Variants in PLXDC2 observed in about 807,000 individuals in gnomAD.
The protein encoded by PLXDC2 is plexin domain containing 2, also known as plexin domain-containing protein 2.
In PLXDC2, 40 loss-of-function variants were observed where a neutral mutation model predicts 68.9. The ratio of observed to expected loss-of-function variants is 0.58; its 90% CI spans 0.45 to 0.76. The LOEUF (loss-of-function observed/expected upper bound fraction) is 0.76. PLXDC2 is among the 30% of genes least tolerant of loss of function. The pLI is 0.00. For missense variants in PLXDC2, 644 were observed against 661.9 expected (o/e 0.97, Z 0.30); for synonymous variants, 243 against 234.2 (o/e 1.04, Z -0.34).
intron 10 of PLXDC2, among the ~76,000 whole-genome samples, chr10:20,212,431 C>T (rs1044108542): frequency 3.3e-5 from 5 of 152,002 alleles, no homozygotes; most frequent in South Asian, 2.1e-4. Context: ...AATTTTAACC[C>T]GTTTAAAAGC....
chr10:19,962,417 G>A (rs1250547474), intron 1 of PLXDC2, among the ~76,000 whole-genome samples: 1 of 110,822 alleles, frequency 9.0e-6, no homozygotes, highest in African/African-American at 3.4e-5. Flanking sequence ...TTGAGATGGA[G>A]TCTTGCTCTG....
At chr10:20,275,499 C>A (rs1413360498) in intron 13 of PLXDC2, among the ~76,000 whole-genome samples, 1 of 152,050 alleles carries the variant, frequency 6.6e-6, no homozygotes, top group Non-Finnish European at 1.5e-5. Flanking sequence ...GCTCGGGGAG[C>A]GCACGCAAGC....
intron 1 of PLXDC2, among the ~76,000 whole-genome samples, chr10:19,874,238 C>T (rs913358285): frequency 1.3e-5 from 2 of 152,120 alleles, no homozygotes; most frequent in African/African-American, 2.4e-5. Flanking sequence ...TTCAGGAAAA[C>T]GACATGCAGT....
At chr10:20,149,600 G>A (rs967075184) in intron 6 of PLXDC2, among the ~76,000 whole-genome samples, 8 of 152,036 alleles carry the variant, frequency 5.3e-5, no homozygotes, top group Non-Finnish European at 1.0e-4. Flanking sequence ...AGGCCCCAGT[G>A]TCTGTTGTTC....
intron 2 of PLXDC2, among the ~76,000 whole-genome samples, chr10:20,018,622 A>G (rs1835252177): frequency 6.6e-6 from 1 of 152,200 alleles, no homozygotes; most frequent in Admixed American, 6.5e-5. Context: ...ATTTAAACAT[A>G]TGGAGAAAAA....
At chr10:20,180,409 C>G (rs143879343) in intron 9 of PLXDC2, among the ~76,000 whole-genome samples, 5 of 152,182 alleles carry the variant, frequency 3.3e-5, no homozygotes, top group African/African-American at 9.6e-5. Context: ...AATTTCCCCA[C>G]TGCATTTTAT....
chr10:20,270,126 G>A (rs1294340199), intron 13 of PLXDC2, among the ~76,000 whole-genome samples: 5 of 152,138 alleles, frequency 3.3e-5, no homozygotes, highest in Non-Finnish European at 7.3e-5. Context: ...TGAAATGATG[G>A]TCCCAAGGGA....
intron 2 of PLXDC2, among the ~76,000 whole-genome samples, chr10:20,025,286 A>G (rs1418169614): frequency 4.1e-5 from 6 of 147,678 alleles, no homozygotes; most frequent in Non-Finnish European, 8.9e-5. Context: ...TTTTTTTGAC[A>G]GAGTTTTGCT....
At chr10:20,128,844 A>G (rs889442896) in intron 4 of PLXDC2, among the ~76,000 whole-genome samples, 16 of 152,258 alleles carry the variant, frequency 1.1e-4, no homozygotes, top group South Asian at 2.1e-4. Flanking sequence ...ATAGTATTCC[A>G]TTTTGTACCT....
chr10:19,887,640 C>T (rs1482098232), intron 1 of PLXDC2, among the ~76,000 whole-genome samples: 1 of 152,192 alleles, frequency 6.6e-6, no homozygotes, highest in Non-Finnish European at 1.5e-5. Flanking sequence ...TGAGTGCATG[C>T]ATGTTCACAA....
At chr10:19,937,828 G>A (rs1204965959) in intron 1 of PLXDC2, among the ~76,000 whole-genome samples, 2 of 151,938 alleles carry the variant, frequency 1.3e-5, no homozygotes, top group African/African-American at 4.8e-5. Flanking sequence ...ATGAGAAAGA[G>A]GCAGAGAAGG....
At chr10:19,849,533 T>C (rs546255765) in intron 1 of PLXDC2, among the ~76,000 whole-genome samples, 2 of 152,282 alleles carry the variant, frequency 1.3e-5, no homozygotes, top group African/African-American at 4.8e-5. Flanking sequence ...ACTCATTCAC[T>C]ATCCCATGAT....
chr10:20,117,516 T>C (rs1435399367), intron 4 of PLXDC2, among the ~76,000 whole-genome samples: 1 of 152,202 alleles, frequency 6.6e-6, no homozygotes, highest in Non-Finnish European at 1.5e-5. Context: ...GGACTCTTGA[T>C]TCGCCAGGTC....
intron 1 of PLXDC2, among the ~76,000 whole-genome samples, chr10:19,945,294 T>C (rs1380495566): frequency 6.6e-6 from 1 of 152,080 alleles, no homozygotes; most frequent in Non-Finnish European, 1.5e-5. Context: ...CATTGAGGAG[T>C]CTGTCTTTTT....
chr10:20,045,838 C>T (rs1835788308), intron 2 of PLXDC2, among the ~76,000 whole-genome samples: 1 of 152,048 alleles, frequency 6.6e-6, no homozygotes, highest in Non-Finnish European at 1.5e-5. Flanking sequence ...CTACTAACTC[C>T]TCAAATTGAT....
rs955428 is a variant in PLXDC2 at position 20,289,646 on chromosome 10, C to A, written c.*9827C>A. On this transcript the variant is annotated 3_prime_UTR_variant, in exon 14 of 14. Transcript: ENST00000377252. ...CTCCACTCTTGGACTACCTTTATAA[C>A]AACACCGAGTACGCACAGACCTGAA... 0.16 allele frequency: 23,620 copies of A among 152,180 alleles called. 2,331 individuals are homozygous for A. The highest frequency in any genetic ancestry group is 0.43 in the East Asian group (2,235 of 5,164). The allele number at this position is 152,180 out of a possible 1,614,324, so 9.4% of individuals were successfully genotyped here.
chr10:19,913,331 C>T (rs1405679716), intron 1 of PLXDC2, among the ~76,000 whole-genome samples: 2 of 152,068 alleles, frequency 1.3e-5, no homozygotes, highest in Non-Finnish European at 2.9e-5. Context: ...TCTCCCTTTC[C>T]TTCCACCGTG....
At chr10:19,876,904 G>T (rs1284947877) in intron 1 of PLXDC2, among the ~76,000 whole-genome samples, 1 of 151,968 alleles carries the variant, frequency 6.6e-6, no homozygotes. Flanking sequence ...AAATTACATT[G>T]CAGGTACTTA....
chr10:20,140,170 G>A (rs184737075), intron 4 of PLXDC2, among the ~76,000 whole-genome samples: 44 of 151,984 alleles, frequency 2.9e-4, no homozygotes, highest in African/African-American at 1.0e-3. Context: ...CGTGGTGGAG[G>A]GCGCCTGTAG....
Sources: gnomAD v4.1 joint callset for allele counts (sites outside exome capture counted in the v4.1 genomes callset) on GRCh38, gnomAD v4.1.1 for gene constraint, MANE v1.5 for transcripts, NCBI Gene and HGNC (gene_info 2026-07-23, HGNC 2026-07-21) for gene names.